Variants in PTPRD observed in about 807,000 individuals in gnomAD.
PTPRD encodes the protein protein tyrosine phosphatase receptor type D.
In PTPRD, 34 loss-of-function variants were observed where a neutral mutation model predicts 214.5. The ratio of observed to expected loss-of-function variants is 0.16; its 90% confidence interval spans 0.12 to 0.21. The LOEUF (loss-of-function observed/expected upper bound fraction) is 0.21, where lower values mean the gene tolerates loss of function less well. PTPRD is among the 10% of genes least tolerant of loss of function. PTPRD has a pLI of 1.00. For missense variants in PTPRD, 2,545 were observed against 2,398.7 expected, an observed-to-expected ratio of 1.06 and a Z score of -1.27; for synonymous variants, 1,128 against 845.7, an observed-to-expected ratio of 1.33 and a Z score of -5.79.
intron 4 of PTPRD, among the ~76,000 whole-genome samples, chr9:9,966,387 T>G (rs1000259485): frequency 6.6e-6 from 1 of 152,128 alleles, no homozygotes; most frequent in Non-Finnish European, 1.5e-5. Context: ...TCAAAGTAAA[T>G]TTTACTAAAA....
At chr9:9,105,596 A>T (rs1466776039) in intron 10 of PTPRD, among the ~76,000 whole-genome samples, 1 of 152,176 alleles carries the variant, frequency 6.6e-6, no homozygotes, top group East Asian at 1.9e-4. Flanking sequence ...TGTGGCTCTC[A>T]CAAGATTAGA....
chr9:10,161,638 A>C (rs1308557353), intron 3 of PTPRD, among the ~76,000 whole-genome samples: 1 of 151,864 alleles, frequency 6.6e-6, no homozygotes, highest in Non-Finnish European at 1.5e-5. Context: ...TGGTTTGGGC[A>C]AAGAATTTTC....
intron 10 of PTPRD, among the ~76,000 whole-genome samples, chr9:9,139,748 G>C (rs1303211711): frequency 6.6e-6 from 1 of 152,152 alleles, no homozygotes; most frequent in Non-Finnish European, 1.5e-5. Context: ...TTCAGACCAT[G>C]GTTGACCACA....
At chr9:8,732,554 A>C (rs147196756) in intron 12 of PTPRD, among the ~76,000 whole-genome samples, 188 of 152,348 alleles carry the variant, frequency 1.2e-3, no homozygotes, top group African/African-American at 4.4e-3. Context: ...CCAGTTAATT[A>C]TTTGCTGGCA....
At chr9:9,953,910 G>T (rs981893712) in intron 4 of PTPRD, among the ~76,000 whole-genome samples, 3 of 152,064 alleles carry the variant, frequency 2.0e-5, no homozygotes, top group Non-Finnish European at 4.4e-5. Context: ...GTTGCTTTTT[G>T]TGTAAAGGGA....
intron 8 of PTPRD, among the ~76,000 whole-genome samples, chr9:9,462,469 G>A (rs1410213615): frequency 2.0e-5 from 3 of 152,102 alleles, no homozygotes; most frequent in African/African-American, 7.2e-5. Flanking sequence ...TTAACATATT[G>A]AATATGCACT....
intron 3 of PTPRD, among the ~76,000 whole-genome samples, chr9:10,292,483 A>G (rs1466558057): frequency 1.3e-5 from 2 of 152,032 alleles, no homozygotes; most frequent in Admixed American, 1.3e-4. Context: ...TTGTCTACAA[A>G]GATCATATGA....
At chr9:8,993,188 T>G (rs116540916) in intron 11 of PTPRD, among the ~76,000 whole-genome samples, 8,154 of 152,172 alleles carry the variant, frequency 0.054, 423 homozygotes, top group East Asian at 0.2. Context: ...GCCATTCCCT[T>G]GGCCCAGAGA....
chr9:10,009,186 G>A (rs1359416830), intron 4 of PTPRD, among the ~76,000 whole-genome samples: 1 of 151,924 alleles, frequency 6.6e-6, no homozygotes, highest in African/African-American at 2.4e-5. Flanking sequence ...CTTGATGTAT[G>A]CTATACATTT....
At chr9:10,018,682 G>A (rs1469611098) in intron 4 of PTPRD, among the ~76,000 whole-genome samples, 1 of 147,256 alleles carries the variant, frequency 6.8e-6, no homozygotes, top group Non-Finnish European at 1.5e-5. Flanking sequence ...CAAGTAGCTG[G>A]GACTACAGGC....
chr9:8,518,931 C>A (rs956825157), intron 20 of PTPRD, among the ~76,000 whole-genome samples: 1 of 151,854 alleles, frequency 6.6e-6, no homozygotes, highest in Non-Finnish European at 1.5e-5. Flanking sequence ...TAGCCCCTTG[C>A]CCCAATAAAT....
At chr9:8,359,611 G>A (rs1351304627) in intron 39 of PTPRD, among the ~76,000 whole-genome samples, 1 of 152,140 alleles carries the variant, frequency 6.6e-6, no homozygotes, top group African/African-American at 2.4e-5. Flanking sequence ...CAGGATTATA[G>A]GCGTGAGCCA....
intron 5 of PTPRD, among the ~76,000 whole-genome samples, chr9:9,928,445 G>A (rs1203242185): frequency 2.6e-5 from 4 of 152,110 alleles, no homozygotes; most frequent in Non-Finnish European, 4.4e-5. Context: ...GAACAATGCT[G>A]ATTTGATGGG....
intron 43 of PTPRD, among the ~76,000 whole-genome samples, chr9:8,338,272 A>C (rs1451883692): frequency 6.6e-6 from 1 of 152,082 alleles, no homozygotes; most frequent in Non-Finnish European, 1.5e-5. Context: ...AAGATATCAG[A>C]GTTTATGCAT....
At chr9:8,610,508 A>G (rs2095409641) in intron 14 of PTPRD, among the ~76,000 whole-genome samples, 1 of 152,170 alleles carries the variant, frequency 6.6e-6, no homozygotes, top group Non-Finnish European at 1.5e-5. Flanking sequence ...AATCCAAACT[A>G]AAAACCAAGG....
intron 8 of PTPRD, among the ~76,000 whole-genome samples, chr9:9,541,418 C>T (rs1226805410): frequency 6.6e-6 from 1 of 151,722 alleles, no homozygotes; most frequent in Non-Finnish European, 1.5e-5. Context: ...AGGAGAGACG[C>T]CATCTTGGAA....
chr9:10,270,888 T>C (rs532017706), intron 3 of PTPRD, among the ~76,000 whole-genome samples: 1 of 152,296 alleles, frequency 6.6e-6, no homozygotes, highest in South Asian at 2.1e-4. Flanking sequence ...TGGAGTGCAG[T>C]GGTGCAATCA....
At chr9:8,435,447 T>C (rs1037370226) in intron 35 of PTPRD, among the ~76,000 whole-genome samples, 4 of 152,116 alleles carry the variant, frequency 2.6e-5, no homozygotes, top group African/African-American at 9.7e-5. Flanking sequence ...CGACTCCCAG[T>C]AAGTAAATCA....
intron 3 of PTPRD, among the ~76,000 whole-genome samples, chr9:10,236,751 T>C (rs181040793): frequency 8.4e-4 from 127 of 152,022 alleles, no homozygotes; most frequent in Non-Finnish European, 1.4e-3. Context: ...TATTTTGAAA[T>C]AAGCCTTCAT....
Sources: allele counts gnomAD v4.1 joint callset (sites outside exome capture counted in the v4.1 genomes callset), GRCh38; gene constraint gnomAD v4.1.1; transcripts MANE v1.5; gene names NCBI Gene and HGNC (gene_info 2026-07-23, HGNC 2026-07-21).